Variants in NUBPL observed in about 807,000 individuals in gnomAD.
NUBPL encodes NUBP iron-sulfur cluster assembly factor, mitochondrial.
Under a neutral mutation model 45.7 loss-of-function variants are expected in NUBPL, and 31 were observed. The ratio of observed to expected loss-of-function variants is 0.68; its 90% confidence interval spans 0.51 to 0.92. The LOEUF is 0.92. NUBPL is among the 40% of genes least tolerant of loss of function. The probability of loss-of-function intolerance (pLI) is 0.00; values close to 1 mark genes in which losing one functional copy is unlikely to be tolerated. For synonymous variants in NUBPL, 144 were observed against 140.9 expected (o/e 1.02, Z -0.15); for missense variants, 401 against 398.7 (o/e 1.01, Z -0.05).
chr14:31,700,186 G>T (rs1305044100), intron 6 of NUBPL, among the ~76,000 whole-genome samples: 1 of 152,206 alleles, frequency 6.6e-6, no homozygotes, highest in African/African-American at 2.4e-5. Context: ...CCCAGAACAA[G>T]TTATTATTCA....
chr14:31,848,997 T>A (rs1469299721), intron 9 of NUBPL, among the ~76,000 whole-genome samples: 1 of 152,154 alleles, frequency 6.6e-6, no homozygotes, highest in Admixed American at 6.6e-5. Flanking sequence ...CCGAAGTTGA[T>A]CTAGAGAATA....
intron 7 of NUBPL, among the ~76,000 whole-genome samples, chr14:31,807,868 A>C (rs1224417172): frequency 6.6e-6 from 1 of 152,216 alleles, no homozygotes; most frequent in Non-Finnish European, 1.5e-5. Context: ...AGCACCATTT[A>C]TTAAATAGGG....
At chr14:31,567,967 C>T (rs1316240912) in intron 3 of NUBPL, among the ~76,000 whole-genome samples, 1 of 152,146 alleles carries the variant, frequency 6.6e-6, no homozygotes, top group Non-Finnish European at 1.5e-5. Flanking sequence ...ATGTCACCCT[C>T]TTTTGTTTTC....
chr14:31,611,367 A>G (rs751443942), intron 4 of NUBPL, among the ~76,000 whole-genome samples: 5 of 152,196 alleles, frequency 3.3e-5, no homozygotes, highest in Non-Finnish European at 7.4e-5. Flanking sequence ...TAACCAAAAA[A>G]GCAAAATATG....
chr14:31,756,610 T>G (rs1161989003), intron 6 of NUBPL, among the ~76,000 whole-genome samples: 1 of 149,000 alleles, frequency 6.7e-6, no homozygotes, highest in Non-Finnish European at 1.5e-5. Context: ...GCTGAGACAA[T>G]GGGGTTTTCT....
chr14:31,858,192 C>T (rs986236646), intron 10 of NUBPL, among the ~76,000 whole-genome samples: 7 of 152,100 alleles, frequency 4.6e-5, no homozygotes, highest in Non-Finnish European at 8.8e-5. Flanking sequence ...GCTATCAGAT[C>T]TCATGAGACT....
chr14:31,567,454 G>A (rs1357561942), intron 3 of NUBPL, among the ~76,000 whole-genome samples: 1 of 152,110 alleles, frequency 6.6e-6, no homozygotes, highest in African/African-American at 2.4e-5. Flanking sequence ...TGACCTTTAT[G>A]CTTGTTAATT....
Position 31,751,183 on chromosome 14 carries a change from C to T in NUBPL, c.514-36597C>T, listed in dbSNP as rs116913081. ...ACAGAGCTAAACCATATCATTTGGCCCCTGGTCCCTCCCAAATCTCATGTC... is the reference window on the plus strand; with the variant it reads ...ACAGAGCTAAACCATATCATTTGGCTCCTGGTCCCTCCCAAATCTCATGTC... On this transcript the variant is annotated intron_variant, in intron 6 of 10. Coordinates refer to ENST00000281081, the MANE Select transcript of NUBPL (RefSeq NM_025152.3). Among the ~76,000 whole-genome samples the T allele has an allele frequency of 4.2e-4, 64 of 152,256 alleles. 2 individuals carry two copies. The East Asian group carries it at 0.012, about 29-fold the overall frequency.
intron 6 of NUBPL, among the ~76,000 whole-genome samples, chr14:31,776,545 G>A (rs2039101459): frequency 6.6e-6 from 1 of 152,182 alleles, no homozygotes. Flanking sequence ...GATCTGATTG[G>A]ATCCTGAATC....
At chr14:31,757,936 G>C (rs1437944685) in intron 6 of NUBPL, among the ~76,000 whole-genome samples, 1 of 151,058 alleles carries the variant, frequency 6.6e-6, no homozygotes, top group Non-Finnish European at 1.5e-5. Context: ...AACACTTTAG[G>C]GCCCTTGAAC....
intron 6 of NUBPL, among the ~76,000 whole-genome samples, chr14:31,751,233 A>G (rs764335518): frequency 2.1e-4 from 32 of 152,216 alleles, no homozygotes; most frequent in Non-Finnish European, 3.8e-4. Flanking sequence ...AAATGCAGTC[A>G]TGCACTCCCA....
chr14:31,746,337 G>C (rs1216348137), intron 6 of NUBPL, among the ~76,000 whole-genome samples: 1 of 151,908 alleles, frequency 6.6e-6, no homozygotes, highest in African/African-American at 2.4e-5. Flanking sequence ...GTCATTTATT[G>C]CCTTTATCGT....
At chr14:31,820,947 C>A (rs1444565084) in intron 7 of NUBPL, among the ~76,000 whole-genome samples, 2 of 151,206 alleles carry the variant, frequency 1.3e-5, no homozygotes, top group African/African-American at 4.9e-5. Context: ...ATGGAGAAAC[C>A]CCATCTCTAC....
At chr14:31,619,268 C>T (rs2034995168) in intron 4 of NUBPL, among the ~76,000 whole-genome samples, 1 of 152,116 alleles carries the variant, frequency 6.6e-6, no homozygotes, top group African/African-American at 2.4e-5. Context: ...TTAATTGGGA[C>T]ATTTAGCCCA....
At chr14:31,611,528 A>G (rs1002759830) in intron 4 of NUBPL, among the ~76,000 whole-genome samples, 15 of 152,334 alleles carry the variant, frequency 9.8e-5, no homozygotes, top group African/African-American at 3.4e-4. Flanking sequence ...TGCAATCCCT[A>G]TCAAAATACC....
chr14:31,798,552 A>AGAGGCC (rs1292011741), intron 7 of NUBPL, among the ~76,000 whole-genome samples: 3 of 151,668 alleles, frequency 2.0e-5, no homozygotes, highest in East Asian at 3.9e-4. Flanking sequence ...CAGCACTTTG[A>AGAGGCC]GAGGCCGAGG....
chr14:31,779,465 T>C (rs990700708), intron 6 of NUBPL, among the ~76,000 whole-genome samples: 6 of 152,118 alleles, frequency 3.9e-5, no homozygotes, highest in Admixed American at 1.3e-4. Flanking sequence ...AACTATCTTC[T>C]CTATGGCTTT....
intron 4 of NUBPL, among the ~76,000 whole-genome samples, chr14:31,638,459 C>T (rs2035576244): frequency 6.6e-6 from 1 of 151,998 alleles, no homozygotes; most frequent in Non-Finnish European, 1.5e-5. Context: ...GAGAGATCCG[C>T]TGTTAGTCTG....
intron 6 of NUBPL, among the ~76,000 whole-genome samples, chr14:31,698,215 G>C (rs2037255266): frequency 6.6e-6 from 1 of 151,940 alleles, no homozygotes; most frequent in Non-Finnish European, 1.5e-5. Flanking sequence ...ATAAAATAAT[G>C]GTGTATCTTC....
Sources: gnomAD v4.1 joint callset for allele counts (sites outside exome capture counted in the v4.1 genomes callset) on GRCh38, gnomAD v4.1.1 for gene constraint, MANE v1.5 for transcripts, NCBI Gene and HGNC (gene_info 2026-07-23, HGNC 2026-07-21) for gene names.